SLC44A1: variants seen among roughly 807,000 people sequenced by gnomAD.
The protein encoded by SLC44A1 is choline transporter-like protein 1.
SLC44A1 carries 26 observed loss-of-function variants against 79.3 expected under a neutral mutation model. The ratio of observed to expected loss-of-function variants is 0.33; its 90% CI spans 0.24 to 0.46. The LOEUF is 0.46. SLC44A1 is among the 20% of genes least tolerant of loss of function. The pLI is 1.00. For synonymous variants in SLC44A1, 263 were observed against 286.2 expected, an observed-to-expected ratio of 0.92 and a Z score of 0.82; for missense variants, 688 against 798.1, an observed-to-expected ratio of 0.86 and a Z score of 1.66.
In SLC44A1 at chr9:105,392,403, C is replaced by CT. The variant is rs57226567; in HGVS notation, c.*3374dup. ...GTAGAGATGCTCTCTCTCTCTCTCT[C>CT]TTTTTTTTTTTTTTTTTTTTTTTTT... On this transcript the variant is annotated 3_prime_UTR_variant, in exon 16 of 16. Coordinates refer to ENST00000374720, the MANE Select transcript of SLC44A1 (RefSeq NM_080546.5). 4.1e-3 allele frequency: 2,499 copies of CT among 610,376 alleles called. 59 individuals carry two copies. The highest frequency in any genetic ancestry group is 0.02 in the Admixed American group (113 of 5,516). 37.8% of individuals were successfully genotyped at this position (610,376 alleles called of 1,614,324 possible).
intron 3 of SLC44A1, among the ~76,000 whole-genome samples, chr9:105,325,219 G>C (rs1826535045): frequency 6.6e-6 from 1 of 152,158 alleles, no homozygotes; most frequent in South Asian, 2.1e-4. Context: ...GATGAACCTT[G>C]AAAGTGTTAC....
At chr9:105,438,408 A>G (rs975495334) in exon 16 of SLC44A1, 6 of 842,274 alleles carry the variant, frequency 7.1e-6, no homozygotes, top group Non-Finnish European at 1.1e-5. Context: ...TTATTACTTC[A>G]ATGAAAGCAT....
intron 1 of SLC44A1, among the ~76,000 whole-genome samples, chr9:105,271,240 C>T (rs1360821999): frequency 6.6e-6 from 1 of 152,154 alleles, no homozygotes; most frequent in Non-Finnish European, 1.5e-5. Context: ...CCTTGTTAGG[C>T]TTGTTAATTT....
At position 105,342,274 on chromosome 9, in the gene SLC44A1, C is replaced by T. The variant is rs1032548209; in HGVS notation, c.407-6084C>T. Among the ~76,000 whole-genome samples the T allele has an allele frequency of 6.6e-5, 10 of 152,132 alleles. No homozygotes were observed. The East Asian group carries it at 1.2e-3, about 18-fold the overall frequency. On this transcript the variant is annotated intron_variant, in intron 4 of 15. Coordinates refer to ENST00000374720, the MANE Select transcript of SLC44A1 (RefSeq NM_080546.5). The stretch of plus-strand genomic sequence containing the variant: ...CTTAGTAGCATGATGAAATCTTGCA[C>T]GGACCTGCCCCATCCCACCCAGATA...
At chr9:105,377,600 C>CAA (rs879369228) in intron 13 of SLC44A1, among the ~76,000 whole-genome samples, 3 of 134,744 alleles carry the variant, frequency 2.2e-5, no homozygotes, top group African/African-American at 8.1e-5. Flanking sequence ...CTAAAAAATA[C>CAA]AAAAAAAAAA....
At chr9:105,382,561 A>G (rs1018038819) in intron 13 of SLC44A1, among the ~76,000 whole-genome samples, 1 of 152,246 alleles carries the variant, frequency 6.6e-6, no homozygotes, top group Non-Finnish European at 1.5e-5. Flanking sequence ...TGAAAACAAT[A>G]TAAATCTCTA....
intron 3 of SLC44A1, among the ~76,000 whole-genome samples, chr9:105,313,868 C>G (rs571539927): frequency 5.9e-4 from 89 of 152,046 alleles, no homozygotes; most frequent in African/African-American, 2.1e-3. Context: ...AAGTGATTCT[C>G]CTGCCTCAGC....
chr9:105,393,165 T>C lies in SLC44A1; in HGVS notation c.*4109T>C. On this transcript the variant is annotated 3_prime_UTR_variant, in exon 16 of 16. Transcript: ENST00000374720. The stretch of plus-strand genomic sequence containing the variant: ...TAAGTAAAAGCGTAACGCAGATATT[T>C]GTGTATTCTGTATTCACAGCGTAGG... 1.0e-6 allele frequency: 1 copy of C among 985,474 alleles called. No homozygotes were observed. The highest frequency in any genetic ancestry group is 1.2e-6 in the Non-Finnish European group (1 of 829,944). 61.0% of individuals were successfully genotyped at this position (985,474 alleles called of 1,614,324 possible).
intron 15 of SLC44A1, among the ~76,000 whole-genome samples, chr9:105,407,204 A>G (rs1326633176): frequency 2.0e-5 from 3 of 152,206 alleles, no homozygotes; most frequent in African/African-American, 7.2e-5. Context: ...AAAGGAGCAG[A>G]AAGAATATTT....
intron 15 of SLC44A1, among the ~76,000 whole-genome samples, chr9:105,435,528 C>T (rs764411814): frequency 6.6e-6 from 1 of 152,082 alleles, no homozygotes; most frequent in Non-Finnish European, 1.5e-5. Flanking sequence ...ATCACAAGGT[C>T]GACTGATTAG....
intron 1 of SLC44A1, among the ~76,000 whole-genome samples, chr9:105,296,739 T>G (rs1432819396): frequency 6.6e-6 from 1 of 152,248 alleles, no homozygotes; most frequent in African/African-American, 2.4e-5. Flanking sequence ...AGAAACATTC[T>G]TTATTCACAC....
intron 11 of SLC44A1, 115 bp downstream of exon 11, chr9:105,365,754 T>C (rs1827921390): frequency 4.5e-6 from 5 of 1,101,192 alleles, no homozygotes; most frequent in African/African-American, 1.6e-5. Context: ...TCAAAGTCTT[T>C]ACAAGGCAAA....
At chr9:105,248,883 G>T (rs1316082229) in intron 1 of SLC44A1, among the ~76,000 whole-genome samples, 3 of 152,188 alleles carry the variant, frequency 2.0e-5, no homozygotes, top group Non-Finnish European at 4.4e-5. Context: ...TCTTTTGAAA[G>T]ATTACTTAGC....
intron 15 of SLC44A1, among the ~76,000 whole-genome samples, chr9:105,413,238 AT>A (rs1171444733): frequency 6.6e-6 from 1 of 152,166 alleles, no homozygotes; most frequent in African/African-American, 2.4e-5. Context: ...CATCTTTTTC[AT>A]GAATATAACC....
intron 1 of SLC44A1, among the ~76,000 whole-genome samples, chr9:105,256,558 G>T (rs950293819): frequency 6.7e-6 from 1 of 148,694 alleles, no homozygotes; most frequent in Non-Finnish European, 1.5e-5. Flanking sequence ...CAAAATGGCT[G>T]GAAACTCTTT....
downstream of SLC44A1, among the ~76,000 whole-genome samples, chr9:105,398,894 C>T (rs561447768): frequency 1.3e-5 from 2 of 152,072 alleles, no homozygotes; most frequent in South Asian, 4.1e-4. Flanking sequence ...TGTCTTGGGC[C>T]GCACATAAAA....
intron 15 of SLC44A1, among the ~76,000 whole-genome samples, chr9:105,424,964 A>AG (rs1554691709): frequency 2.0e-5 from 3 of 148,206 alleles, no homozygotes; most frequent in African/African-American, 7.8e-5. Flanking sequence ...AAAAAAAAAG[A>AG]AAAGAAAGAA....
intron 3 of SLC44A1, among the ~76,000 whole-genome samples, chr9:105,332,861 A>G (rs1200479830): frequency 6.6e-6 from 1 of 152,244 alleles, no homozygotes; most frequent in Non-Finnish European, 1.5e-5. Flanking sequence ...GACACGAATC[A>G]CTGAGTGCAT....
intron 7 of SLC44A1, among the ~76,000 whole-genome samples, chr9:105,358,711 G>A (rs1827694424): frequency 6.6e-6 from 1 of 151,998 alleles, no homozygotes; most frequent in Admixed American, 6.6e-5. Context: ...AATGGAATTT[G>A]TTCTCATTAC....
Sources: gnomAD v4.1 joint callset for allele counts (sites outside exome capture counted in the v4.1 genomes callset) on GRCh38, gnomAD v4.1.1 for gene constraint, MANE v1.5 for transcripts, NCBI Gene and HGNC (gene_info 2026-07-23, HGNC 2026-07-21) for gene names.